The following CCM2 variants were observed in gnomAD, a reference collection of about 807,000 sequenced individuals.
CCM2 encodes cerebral cavernous malformations 2 protein.
Under a neutral mutation model 44.9 loss-of-function variants are expected in CCM2, and 25 were observed. That is an observed-to-expected ratio of 0.56 (90% CI 0.41 to 0.78). CCM2 has a LOEUF of 0.78. Ranked by LOEUF, CCM2 falls within the 30% of genes least tolerant of loss-of-function variation. The probability of loss-of-function intolerance (pLI) is 0.00; values close to 1 mark genes in which losing one functional copy is unlikely to be tolerated. For missense variants in CCM2, 481 were observed against 580.6 expected (o/e 0.83, Z 1.76); for synonymous variants, 219 against 241.1 (o/e 0.91, Z 0.85).
Position 45,063,959 on chromosome 7 carries a change from C to T in CCM2, c.246C>T (p.Pro82=), listed in dbSNP as rs148244188. ...QLTSIPGYLN[P]SSRTEILHFI... is the part of the protein sequence containing the mutation. ...CGTCCATACCAGGATACCTGAATCC[C>T]TCCAGTAGGACTGAAATCCTGCATT... Residue 82 remains proline, a synonymous_variant, in exon 3 of 10, where the codon CCC becomes CCT. Transcript: ENST00000258781. 4,184 of 1,613,334 alleles carry T rather than the reference C, an allele frequency of 2.6e-3. 14 individuals are homozygous for T. Among genetic ancestry groups the T allele is most frequent in the Non-Finnish European group, 3.2e-3 (3,725 of 1,179,306 alleles).
At chr7:45,000,395 G>A in intron 1 of CCM2, 32 bp downstream of exon 1, 1 of 1,261,986 alleles carries the variant, frequency 7.9e-7, no homozygotes, top group Non-Finnish European at 1.0e-6. Flanking sequence ...CTACTGCTGT[G>A]GTCGGCGGGC....
chr7:45,025,878 G>T (rs1037972742), intron 1 of CCM2, among the ~76,000 whole-genome samples: 2 of 152,198 alleles, frequency 1.3e-5, no homozygotes, highest in Non-Finnish European at 2.9e-5. Context: ...TATGGATGCA[G>T]TTCTTCTCAA....
intron 1 of CCM2, among the ~76,000 whole-genome samples, chr7:45,006,221 TCTC>T (rs1795841585): frequency 1.3e-5 from 2 of 152,220 alleles, no homozygotes; most frequent in East Asian, 1.9e-4. Flanking sequence ...ATGTGCACCT[TCTC>T]CTCATTCCTG....
At chr7:45,071,826 C>A in intron 6 of CCM2, 2 of 456,740 alleles carry the variant, frequency 4.4e-6, no homozygotes, top group South Asian at 3.1e-5. Context: ...CTCTTGCAAT[C>A]ACATTGAGCC....
At chr7:45,053,771 C>T (rs954982331) in intron 2 of CCM2, among the ~76,000 whole-genome samples, 1 of 152,128 alleles carries the variant, frequency 6.6e-6, no homozygotes, top group African/African-American at 2.4e-5. Flanking sequence ...TCATTAGTGC[C>T]ATGGTTGATG....
At chr7:45,045,841 G>C (rs1797730331) in intron 2 of CCM2, among the ~76,000 whole-genome samples, 2 of 152,066 alleles carry the variant, frequency 1.3e-5, no homozygotes, top group African/African-American at 4.8e-5. Context: ...ATATGTTTTT[G>C]AACAATGAAT....
chr7:45,041,334 G>A (rs1315920), intron 2 of CCM2, among the ~76,000 whole-genome samples: 132,022 of 152,254 alleles, frequency 0.87, 57,559 homozygotes, highest in African/African-American at 0.96. Context: ...TCTTTTCCCT[G>A]TTCTTCTAGT....
intron 2 of CCM2, among the ~76,000 whole-genome samples, chr7:45,047,049 TA>T (rs1737902384): frequency 6.6e-6 from 1 of 152,072 alleles, no homozygotes; most frequent in South Asian, 2.1e-4. Context: ...ACAGAATGTT[TA>T]AAAAAAGTAG....
intron 2 of CCM2, among the ~76,000 whole-genome samples, chr7:45,045,664 G>A (rs888452682): frequency 1.3e-5 from 2 of 152,132 alleles, no homozygotes; most frequent in East Asian, 3.8e-4. Flanking sequence ...GGTGGCGGGT[G>A]CCTGTAGTCC....
intron 6 of CCM2, chr7:45,070,247 A>G (rs1457072186): frequency 2.2e-6 from 1 of 457,094 alleles, no homozygotes; most frequent in Admixed American, 3.4e-5. Context: ...AAGTCACTTC[A>G]CTTAACTCGG....
chr7:45,034,267 A>T (rs372363214), intron 1 of CCM2, among the ~76,000 whole-genome samples: 190 of 151,622 alleles, frequency 1.3e-3, no homozygotes, highest in South Asian at 2.7e-3. Flanking sequence ...GCTGGAGTGC[A>T]ATGGTGTGAT....
At chr7:45,056,588 A>AATAGTTATTTTTAT (rs1798275279) in intron 2 of CCM2, among the ~76,000 whole-genome samples, 1 of 152,202 alleles carries the variant, frequency 6.6e-6, no homozygotes, top group Non-Finnish European at 1.5e-5. Context: ...TGATGTTGAA[A>AATAGTTATTTTTAT]ATCTTTTCTC....
chr7:45,059,115 A>T (rs1011300619), intron 2 of CCM2, among the ~76,000 whole-genome samples: 1 of 152,088 alleles, frequency 6.6e-6, no homozygotes, highest in African/African-American at 2.4e-5. Context: ...TCCTGACCTC[A>T]GGTGATCCAC....
At chr7:45,066,135 T>C (rs946053023) in intron 4 of CCM2, among the ~76,000 whole-genome samples, 3 of 152,166 alleles carry the variant, frequency 2.0e-5, no homozygotes, top group Non-Finnish European at 4.4e-5. Flanking sequence ...GGAGAAACTT[T>C]CCAAAATTAG....
chr7:45,009,949 A>T (rs1031107540), intron 1 of CCM2, among the ~76,000 whole-genome samples: 18 of 151,264 alleles, frequency 1.2e-4, no homozygotes, highest in African/African-American at 4.4e-4. Context: ...TCACTCTGTC[A>T]CAGAGGCTGG....
chr7:45,026,131 T>G (rs1055425407), intron 1 of CCM2, among the ~76,000 whole-genome samples: 1 of 152,244 alleles, frequency 6.6e-6, no homozygotes, highest in Non-Finnish European at 1.5e-5. Flanking sequence ...CACCTCTTTC[T>G]GTATCTCCCT....
intron 2 of CCM2, among the ~76,000 whole-genome samples, chr7:45,060,820 C>T (rs1415771642): frequency 1.3e-5 from 2 of 152,206 alleles, no homozygotes; most frequent in Non-Finnish European, 2.9e-5. Flanking sequence ...GCTTATGCTG[C>T]CTATCTGTTC....
intron 1 of CCM2, among the ~76,000 whole-genome samples, chr7:45,023,783 A>T (rs1216889914): frequency 6.7e-5 from 3 of 44,956 alleles, no homozygotes; most frequent in South Asian, 5.7e-4. Flanking sequence ...ATAGCTCTGT[A>T]TCAGTTTTTT....
At chr7:45,027,131 G>A (rs1026766329) in intron 1 of CCM2, 20 of 180,068 alleles carry the variant, frequency 1.1e-4, no homozygotes, top group African/African-American at 3.1e-4. Context: ...CTGAGGACCC[G>A]TAGAGCCCGG....
Sources: allele counts gnomAD v4.1 joint callset (sites outside exome capture counted in the v4.1 genomes callset), GRCh38; gene constraint gnomAD v4.1.1; transcripts MANE v1.5; gene names NCBI Gene and HGNC (gene_info 2026-07-23, HGNC 2026-07-21).